DNAJB13: variants seen among roughly 807,000 people sequenced by gnomAD.
DNAJB13 encodes dnaJ homolog subfamily B member 13.
A neutral mutation model predicts 35.6 loss-of-function variants in DNAJB13; 22 were observed. The observed-to-expected ratio is 0.62, with a 90% confidence interval of 0.44 to 0.88. The LOEUF (loss-of-function observed/expected upper bound fraction) is 0.88, where lower values mean the gene tolerates loss of function less well. DNAJB13 is among the 40% of genes least tolerant of loss of function. The pLI is 0.00. For synonymous variants in DNAJB13, 136 were observed against 144.2 expected (o/e 0.94, Z 0.41); for missense variants, 370 against 384.3 (o/e 0.96, Z 0.31).
intron 3 of DNAJB13, among the ~76,000 whole-genome samples, chr11:73,963,427 C>T (rs190914261): frequency 4.6e-5 from 7 of 152,264 alleles, no homozygotes; most frequent in African/African-American, 1.7e-4. Context: ...GCCTCCCTAC[C>T]TGTCTCAGTT....
intron 1 of DNAJB13, among the ~76,000 whole-genome samples, chr11:73,957,065 G>A (rs1950766688): frequency 6.6e-6 from 1 of 152,176 alleles, no homozygotes; most frequent in African/African-American, 2.4e-5. Context: ...TGGGCTGAAT[G>A]ACAGGCGTCT....
rs547823220 is a variant in DNAJB13, at chr11:73,953,475, C to G, written c.68+2338C>G. On this transcript the variant is annotated intron_variant, in intron 1 of 7. Transcript: ENST00000339764. ...CTGTCCCTTTTAAGGGCTCACAACA[C>G]TAAAGATTTCACATGAAAGGGTCGT... Among the ~76,000 whole-genome samples the G allele has an allele frequency of 2.6e-5, 4 of 152,314 alleles. No homozygotes were observed. In the South Asian group the frequency reaches 8.3e-4, roughly 32 times the overall value.
Position 73,969,987 on chromosome 11 carries a change from G to A in DNAJB13, c.824G>A (p.Gly275Glu). The part of the protein sequence containing the change: ...IHPKYFKKVP[G>E]EGMPLPEDPT... ...CCCAAATACTTCAAGAAGGTGCCAG[G>A]GGAGGGGATGCCATTGCCGGAGGAC... The change falls in exon 8 of 8, where the codon GGG (glycine) becomes GAG (glutamate). Residue 275 changes from glycine to glutamate, a missense_variant. Coordinates refer to ENST00000339764, the MANE Select transcript of DNAJB13 (RefSeq NM_153614.4). 2 of 1,611,402 alleles carry A rather than the reference G, an allele frequency of 1.2e-6. No individual in the cohort carries two copies. Among genetic ancestry groups the A allele is most frequent in the Non-Finnish European group, 1.7e-6 (2 of 1,178,660 alleles).
intron 5 of DNAJB13, among the ~76,000 whole-genome samples, chr11:73,967,697 A>T (rs972076224): frequency 1.3e-5 from 2 of 152,212 alleles, no homozygotes; most frequent in African/African-American, 4.8e-5. Flanking sequence ...GTGAAGTATG[A>T]TCATGCCACT....
chr11:73,957,785 T>G (rs1170625081), intron 1 of DNAJB13, among the ~76,000 whole-genome samples: 1 of 152,180 alleles, frequency 6.6e-6, no homozygotes, highest in Non-Finnish European at 1.5e-5. Flanking sequence ...GATGCCTGTG[T>G]GTCTGCTCCG....
chr11:73,963,833 A>G (rs565168811), intron 3 of DNAJB13: 1 of 152,258 alleles, frequency 6.6e-6, no homozygotes, highest in South Asian at 2.1e-4. Context: ...AAAACTCTTA[A>G]CCATAGCGCC....
intron 4 of DNAJB13, 93 bp downstream of exon 4, chr11:73,965,128 G>C: frequency 7.5e-7 from 1 of 1,338,240 alleles, no homozygotes; most frequent in Non-Finnish European, 1.0e-6. Flanking sequence ...ACTCAGGGAT[G>C]GTCTCTGATG....
Position 73,955,203 on chromosome 11 carries a change from C to T in DNAJB13, c.69-3114C>T, listed in dbSNP as rs371689788. 1.3e-3 allele frequency among the ~76,000 whole-genome samples: 199 copies of T among 152,192 alleles called. 4 individuals carry two copies. In the South Asian group the frequency reaches 0.039, roughly 30 times the overall value. The stretch of plus-strand genomic sequence containing the variant: ...TCAAGCTGTGATTTCACCCCTTTCT[C>T]TCCCACTCAGGAAAGCAGGTGAATG... On this transcript the variant is annotated intron_variant, in intron 1 of 7. Coordinates refer to ENST00000339764, the MANE Select transcript of DNAJB13 (RefSeq NM_153614.4).
chr11:73,955,378 T>C (rs1950712386), intron 1 of DNAJB13, among the ~76,000 whole-genome samples: 1 of 151,238 alleles, frequency 6.6e-6, no homozygotes, highest in Admixed American at 6.6e-5. Context: ...GCAGGATCTC[T>C]GCTCACTGCA....
At chr11:73,964,740 T>A in intron 3 of DNAJB13, 138 bp from the exon 4 acceptor site, 1 of 946,522 alleles carries the variant, frequency 1.1e-6, no homozygotes, top group Non-Finnish European at 1.6e-6. Flanking sequence ...CTGAAGAGGT[T>A]GGGGAGCATA....
chr11:73,955,656 G>A (rs1950721206), intron 1 of DNAJB13, among the ~76,000 whole-genome samples: 2 of 152,022 alleles, frequency 1.3e-5, no homozygotes, highest in East Asian at 2.0e-4. Context: ...GCAAAAACCC[G>A]TCTCTACTAA....
chr11:73,957,947 G>T (rs546513809), intron 1 of DNAJB13, among the ~76,000 whole-genome samples: 69 of 152,168 alleles, frequency 4.5e-4, no homozygotes, highest in Non-Finnish European at 8.4e-4. Context: ...GTGCAGCGAG[G>T]CCCGGGGAGC....
At chr11:73,959,359 C>T in intron 2 of DNAJB13, 135 bp from the exon 3 acceptor site, 1 of 953,986 alleles carries the variant, frequency 1.0e-6, no homozygotes, top group Non-Finnish European at 1.5e-6. Flanking sequence ...ATTCCAAAGA[C>T]TGCCAGACAG....
At chr11:73,968,720 C>T (rs1481527411) in intron 6 of DNAJB13, among the ~76,000 whole-genome samples, 1 of 152,212 alleles carries the variant, frequency 6.6e-6, no homozygotes, top group Non-Finnish European at 1.5e-5. Context: ...GCCACACACT[C>T]ATCAGACCCT....
Position 73,964,917 on chromosome 11 carries a change from T to C in DNAJB13, c.374T>C (p.Phe125Ser). The change falls in exon 4 of 8, where the codon TTT becomes TCT. Residue 125 changes from phenylalanine to serine, a missense_variant. Physicochemically the swap from Phe to Ser is radical, Grantham distance 155. Transcript: ENST00000339764. ...GAAGGAAGTGAGGTAGATTTGAACT[T>C]TGGGGGGCTCCAGGGCCGAGGGGTC... ...DAEGSEVDLN[F>S]GGLQGRGVKK... 1 of 1,613,572 alleles carries C rather than the reference T, an allele frequency of 6.2e-7. No individual in the cohort carries two copies. The highest frequency in any genetic ancestry group is 8.5e-7 in the Non-Finnish European group (1 of 1,179,964).
At chr11:73,951,597 G>A (rs922595850) in intron 1 of DNAJB13, among the ~76,000 whole-genome samples, 4 of 152,160 alleles carry the variant, frequency 2.6e-5, no homozygotes, top group African/African-American at 7.2e-5. Flanking sequence ...GTTCTGGCTC[G>A]TTCCTAAGAA....
At chr11:73,968,303 C>A in intron 5 of DNAJB13, 42 bp from the exon 6 acceptor site, 2 of 1,571,608 alleles carry the variant, frequency 1.3e-6, no homozygotes, top group South Asian at 1.1e-5. Flanking sequence ...CAAGGTCACA[C>A]GGCCAACTAG....
At position 73,969,633 on chromosome 11, in the gene DNAJB13, T is replaced by G. The variant is rs544954390; in HGVS notation, c.797+311T>G. Among the ~76,000 whole-genome samples, 3 of 152,358 alleles carry G rather than the reference T, an allele frequency of 2.0e-5. No homozygotes were observed. The South Asian group carries it at 6.2e-4, about 32-fold the overall frequency. ...CATTAGAGTTCTGAGTTGCATATCC[T>G]AAGTCCTTTTCCAAGAAAGGCCCTC... On this transcript the variant is annotated intron_variant, in intron 7 of 7. Transcript: ENST00000339764.
intron 5 of DNAJB13, chr11:73,968,079 G>A (rs1227796596): frequency 4.0e-6 from 2 of 496,538 alleles, no homozygotes; most frequent in East Asian, 3.1e-5. Flanking sequence ...CCTGCCGTCT[G>A]AGGAAGCCTC....
Sources: allele counts gnomAD v4.1 joint callset (sites outside exome capture counted in the v4.1 genomes callset), GRCh38; gene constraint gnomAD v4.1.1; transcripts MANE v1.5; gene names NCBI Gene and HGNC (gene_info 2026-07-23, HGNC 2026-07-21).